Variants in PNPT1 observed in about 807,000 individuals in gnomAD.
PNPT1 encodes the protein polyribonucleotide nucleotidyltransferase 1, mitochondrial.
PNPT1 carries 53 observed loss-of-function variants against 119.5 expected under a neutral mutation model. The ratio of observed to expected loss-of-function variants is 0.44; its 90% CI spans 0.36 to 0.56. The LOEUF is 0.56. PNPT1 is among the 20% of genes least tolerant of loss of function. The pLI, the probability that PNPT1 is intolerant of heterozygous loss-of-function variation, is 0.00. For synonymous variants in PNPT1, 357 were observed against 322.1 expected (o/e 1.11, Z -1.16); for missense variants, 948 against 938.5 (o/e 1.01, Z -0.13).
intron 8 of PNPT1, among the ~76,000 whole-genome samples, chr2:55,675,254 G>A (rs1266262963): frequency 6.6e-6 from 1 of 151,386 alleles, no homozygotes; most frequent in Non-Finnish European, 1.5e-5. Context: ...ACTCTAGTCT[G>A]GACAATAGAG....
intron 26 of PNPT1, among the ~76,000 whole-genome samples, chr2:55,640,162 CTTTTT>C (rs901855449): frequency 6.7e-6 from 1 of 149,136 alleles, no homozygotes; most frequent in African/African-American, 2.5e-5. Context: ...AACAGACACT[CTTTTT>C]TTTTTGAGAC....
At position 55,647,387 on chromosome 2, in the gene PNPT1, T is replaced by G. The variant is rs746676928; in HGVS notation, c.1562A>C (p.Lys521Thr). The change falls in exon 19 of 28, where the codon AAG (lysine) becomes ACG (threonine). Residue 521 changes from lysine to threonine, a missense_variant. By Grantham distance (78) the Lys-to-Thr change is moderately conservative (BLOSUM62 -1). Coordinates refer to ENST00000447944, the MANE Select transcript of PNPT1 (RefSeq NM_033109.5). ...IGLVTKTDPE[K>T]GEIEDYRLLT... ...CAAACGATAATCTTCTATTTCACCC[T>G]TCTCAGGATCGGTTTTGGTGACCAA... 4.7e-5 allele frequency: 76 copies of G among 1,610,296 alleles called. No individual in the cohort carries two copies. The South Asian group carries it at 7.1e-4, about 15-fold the overall frequency.
chr2:55,670,469 A>G (rs1696877001), intron 11 of PNPT1, among the ~76,000 whole-genome samples: 1 of 152,208 alleles, frequency 6.6e-6, no homozygotes, highest in Admixed American at 6.5e-5. Flanking sequence ...TACAGGCGTG[A>G]GCCACCGCGC....
intron 13 of PNPT1, among the ~76,000 whole-genome samples, chr2:55,665,724 T>C (rs1032986259): frequency 8.5e-5 from 13 of 152,198 alleles, no homozygotes; most frequent in African/African-American, 3.1e-4. Flanking sequence ...TGACTGGCTG[T>C]TATATAAATA....
chr2:55,645,250 T>C, intron 22 of PNPT1, 99 bp downstream of exon 22: 1 of 725,434 alleles, frequency 1.4e-6, no homozygotes, highest in Non-Finnish European at 2.3e-6. Context: ...GGTCTCGATC[T>C]CCTGACCTTG....
At chr2:55,680,814 A>G in intron 6 of PNPT1, 41 bp downstream of exon 6, 1 of 1,611,190 alleles carries the variant, frequency 6.2e-7, no homozygotes, top group Non-Finnish European at 8.5e-7. Context: ...CTTTAAAAAA[A>G]TTTTTAATCT....
In PNPT1 at chr2:55,691,718, T is replaced by C. The variant is rs374750926; in HGVS notation, c.161+1945A>G. Among the ~76,000 whole-genome samples, 4 of 152,012 alleles carry C rather than the reference T, an allele frequency of 2.6e-5. No individual in the cohort carries two copies. In the East Asian group the frequency reaches 7.7e-4, roughly 29 times the overall value. On this transcript the variant is annotated intron_variant, in intron 1 of 27. Transcript: ENST00000447944. ...TGTAGTCCTTGAAGAATGGAAGAGA[T>C]GTCCACTTCCCTCAAAAATCAGAAT... is the stretch of plus-strand genomic sequence containing the variant.
In PNPT1 at chr2:55,662,114, A is replaced by T. The variant is rs889945808; in HGVS notation, c.1177-88T>A. 1.6e-5 allele frequency: 18 copies of T among 1,138,554 alleles called. No homozygotes were observed. In the African/African-American group the frequency reaches 2.6e-4, roughly 16 times the overall value. The allele number at this position is 1,138,554 out of a possible 1,614,324, so 70.5% of individuals were successfully genotyped here. ...TACTTGAAGAATCCAACTAACTCTT[A>T]AAAAAATGAGATAAGTACATCCTAC... On this transcript the variant is annotated intron_variant, in intron 13 of 27. Transcript: ENST00000447944.
chr2:55,660,908 G>T (rs1437080523), intron 14 of PNPT1, among the ~76,000 whole-genome samples: 2 of 152,066 alleles, frequency 1.3e-5, no homozygotes, highest in Non-Finnish European at 1.5e-5. Flanking sequence ...AACAATTACA[G>T]TGGCTACTAG....
At chr2:55,677,364 C>T (rs972038183) in intron 8 of PNPT1, among the ~76,000 whole-genome samples, 8 of 152,122 alleles carry the variant, frequency 5.3e-5, no homozygotes, top group Non-Finnish European at 1.0e-4. Flanking sequence ...GTGGCCGAAG[C>T]GGGCAGATCA....
rs550273138 is a variant in PNPT1, at chr2:55,636,099, G to A, written c.*138C>T. ...AATTAAAAAAATGGCACATGTAAAT[G>A]AGCATTTTAGTACAAATAATTAAAA... is the stretch of plus-strand genomic sequence containing the variant. On this transcript the variant is annotated 3_prime_UTR_variant, in exon 28 of 28. Transcript: ENST00000447944. 2 of 503,326 alleles carry A rather than the reference G, an allele frequency of 4.0e-6. No individual in the cohort carries two copies. The highest frequency in any genetic ancestry group is 3.6e-5 in the East Asian group (1 of 27,986). The allele number at this position is 503,326 out of a possible 1,614,324, so 31.2% of individuals were successfully genotyped here. A position where few individuals can be genotyped will look rare whatever the true frequency, so the allele number is the denominator to read the frequency against.
At chr2:55,674,753 G>A (rs1697012963) in intron 8 of PNPT1, among the ~76,000 whole-genome samples, 1 of 152,140 alleles carries the variant, frequency 6.6e-6, no homozygotes, top group African/African-American at 2.4e-5. Context: ...GATAACAATT[G>A]CATTCCAAAT....
At chr2:55,643,135 C>A (rs751282420) in intron 25 of PNPT1, 23 bp downstream of exon 25, 2 of 1,612,310 alleles carry the variant, frequency 1.2e-6, no homozygotes, top group African/African-American at 2.7e-5. Flanking sequence ...AAATGCTCAG[C>A]ATAGTATATT....
chr2:55,640,514 C>A lies in PNPT1; in HGVS notation c.2148+113G>T, dbSNP rs184812320. The stretch of plus-strand genomic sequence containing the variant: ...CAGCAGCATCTCTGCCACTTGTTTT[C>A]TCTGTTTAGGCTAGTAGTAGGCAAA... On this transcript the variant is annotated intron_variant, in intron 26 of 27. Coordinates refer to ENST00000447944, the MANE Select transcript of PNPT1 (RefSeq NM_033109.5). 54 of 906,740 alleles carry A rather than the reference C, an allele frequency of 6.0e-5. No individual in the cohort carries two copies. In the African/African-American group the frequency reaches 6.8e-4, roughly 11 times the overall value. The allele number at this position is 906,740 out of a possible 1,614,324, so 56.2% of individuals were successfully genotyped here.
chr2:55,682,652 A>C (rs1697284692), intron 5 of PNPT1, among the ~76,000 whole-genome samples: 1 of 152,070 alleles, frequency 6.6e-6, no homozygotes, highest in Non-Finnish European at 1.5e-5. Context: ...TCATGTCTGT[A>C]ATACCAGCAG....
At chr2:55,637,639 A>G in intron 26 of PNPT1, 40 bp from the exon 27 acceptor site, 1 of 1,469,716 alleles carries the variant, frequency 6.8e-7, no homozygotes, top group Non-Finnish European at 9.5e-7. Flanking sequence ...GTTGTGCATA[A>G]TTATGTAGTG....
chr2:55,653,398 C>A (rs112384612), intron 18 of PNPT1, among the ~76,000 whole-genome samples: 5 of 152,286 alleles, frequency 3.3e-5, no homozygotes, highest in African/African-American at 1.2e-4. Context: ...ACCAAAAGAT[C>A]TGAATTCATT....
chr2:55,644,797 ATTTTT>A, intron 22 of PNPT1, 77 bp from the exon 23 acceptor site: 3 of 777,882 alleles, frequency 3.9e-6, no homozygotes, highest in Non-Finnish European at 5.6e-6. Context: ...GTCACTTGAG[ATTTTT>A]TTTTTTTTTG....
At chr2:55,681,009 A>C in intron 5 of PNPT1, 91 bp from the exon 6 acceptor site, 1 of 1,009,512 alleles carries the variant, frequency 9.9e-7, no homozygotes, top group South Asian at 1.4e-5. Context: ...GGCTAAAAGC[A>C]GGGGCTTTGT....
Sources: gnomAD v4.1 joint callset for allele counts (sites outside exome capture counted in the v4.1 genomes callset) on GRCh38, gnomAD v4.1.1 for gene constraint, MANE v1.5 for transcripts, NCBI Gene and HGNC (gene_info 2026-07-23, HGNC 2026-07-21) for gene names.